Variants in PDIA5 observed in about 807,000 individuals in gnomAD.
The protein encoded by PDIA5 is protein disulfide isomerase family A member 5.
In PDIA5, 58 loss-of-function variants were observed where a neutral mutation model predicts 77.6. That is an observed-to-expected ratio of 0.75 (90% CI 0.61 to 0.93). PDIA5 has a LOEUF of 0.93. Ranked by LOEUF, PDIA5 falls within the 40% of genes least tolerant of loss-of-function variation. PDIA5 has a pLI of 0.00. For missense variants in PDIA5, 630 were observed against 647.7 expected (o/e 0.97, Z 0.30); for synonymous variants, 250 against 252.1 (o/e 0.99, Z 0.08).
chr3:123,124,464 A>T, intron 10 of PDIA5, 121 bp downstream of exon 10: 1 of 766,128 alleles, frequency 1.3e-6, no homozygotes, highest in South Asian at 1.4e-5. Context: ...GAATTGTGGT[A>T]CTGCCTACAC....
At chr3:123,085,324 A>G (rs1934109764) in intron 1 of PDIA5, among the ~76,000 whole-genome samples, 1 of 152,128 alleles carries the variant, frequency 6.6e-6, no homozygotes, top group African/African-American at 2.4e-5. Context: ...ATCCTTCATT[A>G]GGCTTCAAAA....
intron 1 of PDIA5, among the ~76,000 whole-genome samples, chr3:123,085,853 T>C (rs1339918532): frequency 1.3e-5 from 2 of 152,242 alleles, no homozygotes; most frequent in African/African-American, 4.8e-5. Flanking sequence ...AATGTGTTTT[T>C]CCAACAGATT....
At chr3:123,098,910 G>C (rs537472886) in intron 3 of PDIA5, among the ~76,000 whole-genome samples, 1 of 152,344 alleles carries the variant, frequency 6.6e-6, no homozygotes, top group East Asian at 1.9e-4. Flanking sequence ...CTGGGGGAGG[G>C]AGGTAGGCAG....
chr3:123,129,165 G>T (rs1935313857), intron 10 of PDIA5, among the ~76,000 whole-genome samples: 2 of 152,196 alleles, frequency 1.3e-5, no homozygotes, highest in Admixed American at 1.3e-4. Context: ...GTGTTTTGAG[G>T]GGTCAGTAGT....
intron 1 of PDIA5, among the ~76,000 whole-genome samples, chr3:123,069,930 A>G (rs1235458853): frequency 2.0e-5 from 3 of 151,998 alleles, no homozygotes; most frequent in African/African-American, 7.3e-5. Context: ...TCTCTACTAA[A>G]AATACAAAAA....
chr3:123,153,407 A>G (rs1935956392), intron 14 of PDIA5, among the ~76,000 whole-genome samples: 2 of 152,242 alleles, frequency 1.3e-5, no homozygotes, highest in African/African-American at 4.8e-5. Flanking sequence ...TGAAAATTTT[A>G]TAACATCATC....
Position 123,092,356 on chromosome 3 carries a change from G to A in PDIA5, c.171G>A (p.Glu57=), listed in dbSNP as rs1260024335. 2 of 1,612,254 alleles carry A rather than the reference G, an allele frequency of 1.2e-6. No individual in the cohort carries two copies. Among genetic ancestry groups the A allele is most frequent in the Non-Finnish European group, 1.7e-6 (2 of 1,178,678 alleles). The change falls in exon 3 of 17, where the codon GAG becomes GAA. Residue 57 remains glutamate, a splice_region_variant and synonymous_variant. Transcript: ENST00000316218. ...TAATTTTTTGTTTTTTTTTTACAGA[G>A]GTGGCAGCTGAAAATCATCTCAGGT... ...NNVLVLYSKS[E]VAAENHLRLL...
At chr3:123,085,232 T>C (rs2107915315) in intron 1 of PDIA5, among the ~76,000 whole-genome samples, 1 of 152,326 alleles carries the variant, frequency 6.6e-6, no homozygotes, top group East Asian at 1.9e-4. Context: ...GGGCTTTCAA[T>C]GCGCCAGGCC....
intron 13 of PDIA5, among the ~76,000 whole-genome samples, chr3:123,147,495 CTT>C (rs1343926554): frequency 6.6e-6 from 1 of 152,088 alleles, no homozygotes; most frequent in Non-Finnish European, 1.5e-5. Flanking sequence ...CTCTGAGACT[CTT>C]TTATTCAGGA....
intron 10 of PDIA5, among the ~76,000 whole-genome samples, chr3:123,129,638 G>A (rs1438154952): frequency 1.3e-5 from 2 of 152,216 alleles, no homozygotes; most frequent in African/African-American, 4.8e-5. Flanking sequence ...GCAGCAGGGA[G>A]ACTGTGTCAC....
At chr3:123,088,995 T>G in intron 1 of PDIA5, 173 bp from the exon 2 acceptor site, 1 of 534,502 alleles carries the variant, frequency 1.9e-6, no homozygotes, top group Admixed American at 3.2e-5. Flanking sequence ...AGACTGGGAG[T>G]GGGCTGGGGA....
At chr3:123,145,621 T>A (rs748205146) in intron 12 of PDIA5, 29 bp downstream of exon 12, 29 of 1,563,156 alleles carry the variant, frequency 1.9e-5, no homozygotes. Flanking sequence ...CCCCTCACCG[T>A]TCTCTTTGAA....
At chr3:123,120,436 C>T (rs1159666771) in intron 8 of PDIA5, among the ~76,000 whole-genome samples, 2 of 152,214 alleles carry the variant, frequency 1.3e-5, no homozygotes, top group African/African-American at 4.8e-5. Context: ...CACTCATAGA[C>T]ACAGATGACT....
chr3:123,078,205 A>G (rs1272622665), intron 1 of PDIA5, among the ~76,000 whole-genome samples: 1 of 152,132 alleles, frequency 6.6e-6, no homozygotes, highest in African/African-American at 2.4e-5. Flanking sequence ...ATTCCATATA[A>G]TAGTTATGAA....
chr3:123,124,822 G>T (rs538951336), intron 10 of PDIA5, among the ~76,000 whole-genome samples: 1 of 152,302 alleles, frequency 6.6e-6, no homozygotes, highest in East Asian at 1.9e-4. Context: ...ATTGTCAGTT[G>T]AACACTTATT....
intron 1 of PDIA5, among the ~76,000 whole-genome samples, chr3:123,071,981 G>A (rs1301308079): frequency 6.6e-6 from 1 of 152,192 alleles, no homozygotes; most frequent in Non-Finnish European, 1.5e-5. Flanking sequence ...GATGAGGGGA[G>A]TAAGACTGAA....
chr3:123,126,118 T>A (rs1935241268), intron 10 of PDIA5, among the ~76,000 whole-genome samples: 1 of 152,182 alleles, frequency 6.6e-6, no homozygotes, highest in Non-Finnish European at 1.5e-5. Context: ...TTTTAAGTAT[T>A]CAGAATTACC....
At chr3:123,156,982 A>G (rs929707148) in intron 15 of PDIA5, among the ~76,000 whole-genome samples, 1 of 152,156 alleles carries the variant, frequency 6.6e-6, no homozygotes, top group Non-Finnish European at 1.5e-5. Flanking sequence ...GCACTGCTAC[A>G]TGGGGGCCCA....
In PDIA5 at chr3:123,100,230, G is replaced by A. The variant is rs913514499; in HGVS notation, c.258-2181G>A. ...AACTCAAACAGGGAAAGGGCACCTC[G>A]TTCGCAGTTGTTCTCAAACAGACCC... On this transcript the variant is annotated intron_variant, in intron 3 of 16. Transcript: ENST00000316218. 5.1e-4 allele frequency among the ~76,000 whole-genome samples: 77 copies of A among 152,234 alleles called. 2 individuals carry two copies. Among genetic ancestry groups the A allele is most frequent in the Admixed American group, 5.0e-3 (76 of 15,290 alleles).
Sources: gnomAD v4.1 joint callset for allele counts (sites outside exome capture counted in the v4.1 genomes callset) on GRCh38, gnomAD v4.1.1 for gene constraint, MANE v1.5 for transcripts, NCBI Gene and HGNC (gene_info 2026-07-23, HGNC 2026-07-21) for gene names.